ACACB: variants seen among roughly 807,000 people sequenced by gnomAD.
ACACB encodes acetyl-CoA carboxylase 2.
ACACB carries 209 observed loss-of-function variants against 278.8 expected under a neutral mutation model. That is an observed-to-expected ratio of 0.75 (90% CI 0.67 to 0.84). ACACB has a LOEUF of 0.84. Among genes scored for constraint, ACACB ranks in the 40% least tolerant of loss-of-function variants. ACACB has a pLI of 0.00. For synonymous variants in ACACB, 1,174 were observed against 1,285.6 expected (o/e 0.91, Z 1.86); for missense variants, 2,850 against 3,269.0 (o/e 0.87, Z 3.13).
At chr12:109,119,580 ACT>A (rs2042490356) in intron 1 of ACACB, among the ~76,000 whole-genome samples, 2 of 137,074 alleles carry the variant, frequency 1.5e-5, no homozygotes, top group African/African-American at 2.8e-5. Context: ...ACAGAGCAAG[ACT>A]CTGTCTCAAA....
In ACACB at chr12:109,262,424, A is replaced by C. The variant is rs1031038503; in HGVS notation, c.6742A>C (p.Met2248Leu). 1 of 1,613,860 alleles carries C rather than the reference A, an allele frequency of 6.2e-7. No individual in the cohort carries two copies. Among genetic ancestry groups the C allele is most frequent in the African/African-American group, 1.3e-5 (1 of 74,930 alleles). Residue 2248 changes from methionine (M) to leucine (L), a missense_variant, in exon 49 of 53, where the codon ATG becomes CTG. Transcript: ENST00000338432. The stretch of plus-strand genomic sequence containing the variant: ...CCGAAAGAAAGATCTGATAAAGTCC[A>C]TGAGAAGGATCGATCCAGCTTACAA... ...KFRKKDLIKSMRRIDPAYKKL... is the reference protein window; with the variant it reads ...KFRKKDLIKSLRRIDPAYKKL...
chr12:109,133,314 T>TC (rs926977829), intron 1 of ACACB, among the ~76,000 whole-genome samples: 2 of 151,718 alleles, frequency 1.3e-5, no homozygotes, highest in Non-Finnish European at 2.9e-5. Context: ...CACTGCAACC[T>TC]CCCCCTCCTG....
In ACACB at chr12:109,222,831, G is replaced by A; in HGVS notation, c.3711G>A (p.Glu1237=). ...ILIASHLPSY[E]LRHNQVESIF... ...TTGCCTCCCACCTCCCCTCCTACGA[G>A]CTGCGGCATAACCAGGTGGAGTCCA... is the stretch of plus-strand genomic sequence containing the variant. The change falls in exon 26 of 53, where the codon GAG becomes GAA. Residue 1237 remains glutamate, a synonymous_variant. Coordinates refer to ENST00000338432, the MANE Select transcript of ACACB (RefSeq NM_001093.4). 1 of 1,613,774 alleles carries A rather than the reference G, an allele frequency of 6.2e-7. No individual in the cohort carries two copies. Among genetic ancestry groups the A allele is most frequent in the South Asian group, 1.1e-5 (1 of 91,032 alleles).
In ACACB at chr12:109,247,666, G is replaced by A. The variant is rs201210568; in HGVS notation, c.5632G>A (p.Val1878Ile). ...CACCAGAATCAGCTCCCTGAACTCCGTCCACTGTAAACACATCGAGGAAGG... is the reference window on the plus strand; with the variant it reads ...CACCAGAATCAGCTCCCTGAACTCCATCCACTGTAAACACATCGAGGAAGG... ...DYTRISSLNS[V>I]HCKHIEEGGE... The change falls in exon 40 of 53, where the codon GTC becomes ATC. Residue 1878 changes from valine (V) to isoleucine (I), a missense_variant. Val to Ile is a conservative substitution (Grantham distance 29). Transcript: ENST00000338432. The A allele has an allele frequency of 9.9e-5, 160 of 1,613,826 alleles. No homozygotes were observed. The highest frequency in any genetic ancestry group is 6.8e-4 in the Admixed American group (41 of 60,006).
At chr12:109,254,025 T>G (rs2047162179) in intron 43 of ACACB, among the ~76,000 whole-genome samples, 189 bp from the exon 44 acceptor site, 1 of 152,150 alleles carries the variant, frequency 6.6e-6, no homozygotes, top group South Asian at 2.1e-4. Context: ...AAACTAGATT[T>G]CAGAAGAATC....
intron 19 of ACACB, among the ~76,000 whole-genome samples, chr12:109,202,354 G>A (rs893405461): frequency 7.9e-5 from 12 of 151,646 alleles, no homozygotes; most frequent in South Asian, 2.1e-4. Flanking sequence ...TCGCTCTGTC[G>A]CCCAGGCTGG....
At chr12:109,196,928 T>C in intron 16 of ACACB, 80 bp from the exon 17 acceptor site, 1 of 1,411,950 alleles carries the variant, frequency 7.1e-7, no homozygotes. Context: ...AACCAGCTCT[T>C]GTTTGTTGTT....
chr12:109,206,969 G>A, intron 20 of ACACB, 113 bp downstream of exon 20: 1 of 1,263,194 alleles, frequency 7.9e-7, no homozygotes, highest in Admixed American at 2.4e-5. Flanking sequence ...TCGGTCCTCT[G>A]TTGTTTTTAT....
At chr12:109,210,235 A>ATATATACACACATATCTGCGTG (rs1217482493) in intron 21 of ACACB, among the ~76,000 whole-genome samples, 2 of 21,076 alleles carry the variant, frequency 9.5e-5, no homozygotes, top group Non-Finnish European at 1.6e-4. Context: ...GTGTATATGT[A>ATATATACACACATATCTGCGTG]TATATGTATA....
chr12:109,140,235 C>T (rs1265181236), intron 2 of ACACB, among the ~76,000 whole-genome samples, 177 bp downstream of exon 2: 8 of 125,540 alleles, frequency 6.4e-5, no homozygotes, highest in East Asian at 2.1e-4. Context: ...TCCTTCCTTC[C>T]TTCCTTCCTT....
At chr12:109,205,902 T>C (rs1013680225) in intron 19 of ACACB, among the ~76,000 whole-genome samples, 1 of 152,120 alleles carries the variant, frequency 6.6e-6, no homozygotes, top group Non-Finnish European at 1.5e-5. Flanking sequence ...TAGGTATTTG[T>C]AGAATGAATG....
intron 9 of ACACB, among the ~76,000 whole-genome samples, chr12:109,178,418 TGTGTTTTGGTCCCATTTTCATTC>T (rs1338089031): frequency 6.6e-6 from 1 of 152,208 alleles, no homozygotes; most frequent in African/African-American, 2.4e-5. Context: ...CACAGATTAG[TGTGTTTTGGTCCCATTTTCATTC>T]AAAGAAACTT....
At chr12:109,261,608 C>G (rs569378049) in intron 48 of ACACB, among the ~76,000 whole-genome samples, 49 of 152,162 alleles carry the variant, frequency 3.2e-4, no homozygotes, top group African/African-American at 1.1e-3. Flanking sequence ...TGGTGGCTCA[C>G]GCCTGTAATC....
intron 33 of ACACB, 150 bp downstream of exon 33, chr12:109,235,797 AG>A: frequency 3.0e-6 from 2 of 666,380 alleles, no homozygotes; most frequent in Non-Finnish European, 5.1e-6. Context: ...CAGGAGTTCT[AG>A]ACCAGCCTGG....
At chr12:109,247,782 A>G (rs2046989132) in intron 40 of ACACB, 79 bp downstream of exon 40, 6 of 1,218,578 alleles carry the variant, frequency 4.9e-6, no homozygotes, top group Non-Finnish European at 7.2e-6. Context: ...GCTTGTGGCG[A>G]TATTTTCCAG....
rs570009066 is a variant in ACACB at position 109,245,788 on chromosome 12, C to T, written c.5301+40C>T. 74 of 1,603,960 alleles carry T rather than the reference C, an allele frequency of 4.6e-5. No homozygotes were observed. The South Asian group carries it at 7.9e-4, about 17-fold the overall frequency. On this transcript the variant is annotated intron_variant, in intron 38 of 52. Coordinates refer to ENST00000338432, the MANE Select transcript of ACACB (RefSeq NM_001093.4). ...GAGCCTAACCCCTGGCTGGAGTCAC[C>T]CCCTTAAAAATATTTTTGGGCCAGG...
rs184182570 is a variant in ACACB at position 109,234,518 on chromosome 12, T to C, written c.4347+473T>C. On this transcript the variant is annotated intron_variant, in intron 31 of 52. Coordinates refer to ENST00000338432, the MANE Select transcript of ACACB (RefSeq NM_001093.4). ...AAAAAAATTATATATATTTACAGTA[T>C]ACAATGTGATATTTTTTAATTATCT... Among the ~76,000 whole-genome samples the C allele has an allele frequency of 1.6e-3, 244 of 152,278 alleles. 2 individuals carry two copies. Among genetic ancestry groups the C allele is most frequent in the African/African-American group, 5.6e-3 (232 of 41,552 alleles).
intron 1 of ACACB, among the ~76,000 whole-genome samples, chr12:109,128,332 T>A (rs1041822290): frequency 1.0e-4 from 15 of 146,972 alleles, no homozygotes; most frequent in African/African-American, 4.1e-4. Flanking sequence ...TGGACTTTTT[T>A]TATTTTATTT....
intron 44 of ACACB, among the ~76,000 whole-genome samples, chr12:109,255,653 G>A (rs1233315553): frequency 6.6e-6 from 1 of 152,172 alleles, no homozygotes; most frequent in Non-Finnish European, 1.5e-5. Context: ...CCCACCAATG[G>A]CTGTCATTGA....
Sources: gnomAD v4.1 joint callset for allele counts (sites outside exome capture counted in the v4.1 genomes callset) on GRCh38, gnomAD v4.1.1 for gene constraint, MANE v1.5 for transcripts, NCBI Gene and HGNC (gene_info 2026-07-23, HGNC 2026-07-21) for gene names.